Variants in OSBPL1A observed in about 807,000 individuals in gnomAD.
OSBPL1A encodes the protein oxysterol binding protein like 1A.
A neutral mutation model predicts 137.1 loss-of-function variants in OSBPL1A; 80 were observed. That is an observed-to-expected ratio of 0.58 (90% CI 0.49 to 0.70). The LOEUF is 0.70. Among genes scored for constraint, OSBPL1A ranks in the 30% least tolerant of loss-of-function variants. OSBPL1A has a pLI of 0.00. For synonymous variants in OSBPL1A, 365 were observed against 389.7 expected (o/e 0.94, Z 0.75); for missense variants, 970 against 1,129.4 (o/e 0.86, Z 2.02).
chr18:24,380,016 C>T (rs1906470266), intron 1 of OSBPL1A, among the ~76,000 whole-genome samples: 1 of 152,156 alleles, frequency 6.6e-6, no homozygotes, highest in Non-Finnish European at 1.5e-5. Context: ...CAAAAGATAT[C>T]AGGTAATAAA....
chr18:24,219,008 G>C (rs576810360), intron 17 of OSBPL1A, among the ~76,000 whole-genome samples: 1 of 152,124 alleles, frequency 6.6e-6, no homozygotes, highest in East Asian at 1.9e-4. Flanking sequence ...TTTAAAAATA[G>C]GAGGCCGAGC....
chr18:24,380,738 G>A (rs1906517454), intron 1 of OSBPL1A, among the ~76,000 whole-genome samples: 1 of 152,164 alleles, frequency 6.6e-6, no homozygotes, highest in Non-Finnish European at 1.5e-5. Flanking sequence ...TATCACCTGA[G>A]GTCAGGAGTT....
intron 16 of OSBPL1A, among the ~76,000 whole-genome samples, chr18:24,225,971 A>C (rs2088062993): frequency 2.6e-5 from 4 of 152,192 alleles, no homozygotes; most frequent in Admixed American, 2.6e-4. Flanking sequence ...CCCTGTCTCT[A>C]TACAAAAATA....
At chr18:24,358,635 G>A (rs2091574907) in intron 4 of OSBPL1A, 3 of 651,990 alleles carry the variant, frequency 4.6e-6, no homozygotes, top group Non-Finnish European at 8.3e-6. Context: ...CATGAGAAAT[G>A]GTCTCCTAGG....
At chr18:24,260,796 T>C (rs1305468927) in intron 15 of OSBPL1A, among the ~76,000 whole-genome samples, 3 of 149,726 alleles carry the variant, frequency 2.0e-5, no homozygotes. Flanking sequence ...TTTTATGTTA[T>C]GTGAATTCTA....
intron 21 of OSBPL1A, among the ~76,000 whole-genome samples, chr18:24,174,615 T>C (rs571438960): frequency 1.3e-5 from 2 of 152,342 alleles, no homozygotes; most frequent in African/African-American, 2.4e-5. Flanking sequence ...CTCCACATCC[T>C]TGTCAGCACT....
At chr18:24,319,354 C>T (rs943458135) in intron 7 of OSBPL1A, among the ~76,000 whole-genome samples, 15 of 152,140 alleles carry the variant, frequency 9.9e-5, no homozygotes. Flanking sequence ...CTGGATAATT[C>T]AGGATTTCCC....
intron 1 of OSBPL1A, among the ~76,000 whole-genome samples, chr18:24,383,269 G>A (rs1014530848): frequency 3.3e-5 from 5 of 152,124 alleles, no homozygotes; most frequent in African/African-American, 1.2e-4. Flanking sequence ...GTCTAGACTT[G>A]CTGGCATATT....
chr18:24,315,192 C>T (rs2090696096), intron 11 of OSBPL1A, among the ~76,000 whole-genome samples: 1 of 152,148 alleles, frequency 6.6e-6, no homozygotes, highest in Admixed American at 6.6e-5. Context: ...TGGGACTAAG[C>T]ACAGTCCACA....
intron 14 of OSBPL1A, among the ~76,000 whole-genome samples, chr18:24,296,602 T>C (rs1280744523): frequency 6.6e-6 from 1 of 152,180 alleles, no homozygotes; most frequent in African/African-American, 2.4e-5. Flanking sequence ...GGGAATGCTT[T>C]CAATTTTTCC....
At position 24,388,157 on chromosome 18, in the gene OSBPL1A, T is replaced by G. The variant is rs796242142; in HGVS notation, c.-3+9498A>C. ...CATCTCCAATATCACCTAGAGCTCC[T>G]TGATAAGTCCTCATGGCAACCTGCC... On this transcript the variant is annotated intron_variant, in intron 1 of 27. Coordinates refer to ENST00000319481, the MANE Select transcript of OSBPL1A (RefSeq NM_080597.4). Among the ~76,000 whole-genome samples, 128 of 152,320 alleles carry G rather than the reference T, an allele frequency of 8.4e-4. 1 individual carries two copies. The highest frequency in any genetic ancestry group is 2.9e-3 in the African/African-American group (120 of 41,566).
At chr18:24,201,736 C>T (rs1031876816) in intron 17 of OSBPL1A, among the ~76,000 whole-genome samples, 1 of 152,116 alleles carries the variant, frequency 6.6e-6, no homozygotes, top group African/African-American at 2.4e-5. Flanking sequence ...GCACTCCCAC[C>T]TGGGCAACAG....
intron 1 of OSBPL1A, among the ~76,000 whole-genome samples, chr18:24,378,720 G>A (rs1387834750): frequency 1.3e-5 from 2 of 152,236 alleles, no homozygotes; most frequent in Non-Finnish European, 2.9e-5. Flanking sequence ...AAACAGAGCA[G>A]AGCAAACAGC....
intron 1 of OSBPL1A, among the ~76,000 whole-genome samples, chr18:24,392,535 C>A (rs1367920154): frequency 6.6e-6 from 1 of 152,162 alleles, no homozygotes; most frequent in Non-Finnish European, 1.5e-5. Flanking sequence ...TTTAAATTCT[C>A]AGATACTGAT....
At chr18:24,277,471 T>A (rs997406656) in intron 15 of OSBPL1A, among the ~76,000 whole-genome samples, 5 of 152,172 alleles carry the variant, frequency 3.3e-5, no homozygotes, top group Admixed American at 6.6e-5. Context: ...TACAGAGGTG[T>A]TTTACCAATA....
Position 24,353,159 on chromosome 18 carries a change from A to T in OSBPL1A, c.283-11501T>A, listed in dbSNP as rs118013133. On this transcript the variant is annotated intron_variant, in intron 4 of 27. Coordinates refer to ENST00000319481, the MANE Select transcript of OSBPL1A (RefSeq NM_080597.4). ...TACAAAATGGGAGAAGATTTTTGCAACCTATTCGTCTGTCAAAGGGCTAAT... is the reference window on the plus strand; with the variant it reads ...TACAAAATGGGAGAAGATTTTTGCATCCTATTCGTCTGTCAAAGGGCTAAT... 8.8e-3 allele frequency among the ~76,000 whole-genome samples: 1,348 copies of T among 152,352 alleles called. 12 individuals are homozygous for T. Among genetic ancestry groups the T allele is most frequent in the Non-Finnish European group, 0.01 (697 of 68,042 alleles).
chr18:24,385,219 G>T (rs1045993302), intron 1 of OSBPL1A, among the ~76,000 whole-genome samples: 22 of 152,104 alleles, frequency 1.4e-4, no homozygotes, highest in Non-Finnish European at 2.5e-4. Flanking sequence ...CTCCCAAAGT[G>T]CTGGGATTAC....
intron 11 of OSBPL1A, 73 bp downstream of exon 11, chr18:24,317,076 A>G: frequency 1.4e-6 from 2 of 1,458,994 alleles, no homozygotes; most frequent in Non-Finnish European, 1.9e-6. Flanking sequence ...AAGGCTGTAT[A>G]AATGATTTGG....
intron 4 of OSBPL1A, among the ~76,000 whole-genome samples, chr18:24,365,025 C>CAAAAAAAAAAAAAAAAAAAAAA (rs56400717): frequency 3.3e-5 from 3 of 89,698 alleles, no homozygotes; most frequent in African/African-American, 1.2e-4. Context: ...AAAACAACAA[C>CAAAAAAAAAAAAAAAAAAAAAA]AAAAAAAAAA....
Sources: gnomAD v4.1 joint callset for allele counts (sites outside exome capture counted in the v4.1 genomes callset) on GRCh38, gnomAD v4.1.1 for gene constraint, MANE v1.5 for transcripts, NCBI Gene and HGNC (gene_info 2026-07-23, HGNC 2026-07-21) for gene names.